ENPP6: variants seen among roughly 807,000 people sequenced by gnomAD.
ENPP6 encodes the protein glycerophosphocholine cholinephosphodiesterase ENPP6.
Under a neutral mutation model 42.0 loss-of-function variants are expected in ENPP6, and 32 were observed. That is an observed-to-expected ratio of 0.76 (90% CI 0.58 to 1.02). The LOEUF (loss-of-function observed/expected upper bound fraction) is 1.02, where lower values mean the gene tolerates loss of function less well. Among genes scored for constraint, ENPP6 ranks in the 50% least tolerant of loss-of-function variants. The pLI is 0.00. For missense variants in ENPP6, 552 were observed against 566.8 expected, an observed-to-expected ratio of 0.97 and a Z score of 0.27; for synonymous variants, 213 against 216.0, an observed-to-expected ratio of 0.99 and a Z score of 0.12.
intron 6 of ENPP6, among the ~76,000 whole-genome samples, chr4:184,111,176 G>A (rs1736190612): frequency 6.6e-6 from 1 of 152,066 alleles, no homozygotes; most frequent in Non-Finnish European, 1.5e-5. Flanking sequence ...CTACCACCCA[G>A]CCTCTCAGCA....
intron 1 of ENPP6, among the ~76,000 whole-genome samples, chr4:184,213,048 G>A (rs960585060): frequency 5.3e-5 from 8 of 151,796 alleles, no homozygotes; most frequent in South Asian, 2.1e-4. Flanking sequence ...GGAGAAAGCT[G>A]AAACTGGATC....
At chr4:184,113,948 TTTC>T (rs1260872545) in intron 5 of ENPP6, among the ~76,000 whole-genome samples, 1 of 149,620 alleles carries the variant, frequency 6.7e-6, no homozygotes, top group East Asian at 2.0e-4. Flanking sequence ...TCTTTCTTTC[TTTC>T]TTTCTTTCTT....
At chr4:184,113,935 CTT>C (rs1197424095) in intron 5 of ENPP6, among the ~76,000 whole-genome samples, 2 of 140,264 alleles carry the variant, frequency 1.4e-5, no homozygotes, top group Admixed American at 1.5e-4. Flanking sequence ...TTCTTTCTTT[CTT>C]TCTTTCTTTC....
At chr4:184,155,221 T>A (rs1341693422) in intron 1 of ENPP6, among the ~76,000 whole-genome samples, 1 of 152,196 alleles carries the variant, frequency 6.6e-6, no homozygotes, top group African/African-American at 2.4e-5. Flanking sequence ...TATTATCGTT[T>A]TTAGTATATG....
intron 1 of ENPP6, among the ~76,000 whole-genome samples, chr4:184,178,614 G>A (rs1732490664): frequency 1.3e-5 from 2 of 152,222 alleles, no homozygotes; most frequent in East Asian, 1.9e-4. Context: ...AAGTGTTAAG[G>A]GCAGCTAGAG....
chr4:184,131,299 C>T (rs1024179289), intron 2 of ENPP6, among the ~76,000 whole-genome samples: 4 of 145,282 alleles, frequency 2.8e-5, no homozygotes, highest in Admixed American at 6.9e-5. Context: ...TTCCTTCCTT[C>T]CTTCCTTCCT....
chr4:184,113,899 TTTTC>T (rs70959170), intron 5 of ENPP6, among the ~76,000 whole-genome samples: 17,833 of 103,352 alleles, frequency 0.17, 1,322 homozygotes, highest in Middle Eastern at 0.25. Context: ...CCTTTCTTTC[TTTTC>T]TTTCTTTCTT....
intron 1 of ENPP6, among the ~76,000 whole-genome samples, chr4:184,199,654 C>T (rs1732860419): frequency 6.6e-6 from 1 of 152,214 alleles, no homozygotes. Context: ...TCCACAGACA[C>T]AGGACTTCTG....
intron 2 of ENPP6, among the ~76,000 whole-genome samples, chr4:184,124,964 C>G (rs1166125734): frequency 6.6e-6 from 1 of 152,160 alleles, no homozygotes; most frequent in Non-Finnish European, 1.5e-5. Flanking sequence ...GAACATAGAA[C>G]AGGAGAGGGA....
At chr4:184,093,766 G>C (rs572969573) in intron 7 of ENPP6, among the ~76,000 whole-genome samples, 1 of 151,982 alleles carries the variant, frequency 6.6e-6, no homozygotes, top group South Asian at 2.1e-4. Flanking sequence ...AATCAGATGA[G>C]GATGGTAGTT....
chr4:184,134,638 G>T (rs1022181296), intron 2 of ENPP6, among the ~76,000 whole-genome samples: 2 of 151,076 alleles, frequency 1.3e-5, no homozygotes, highest in African/African-American at 4.9e-5. Context: ...TATAAGCCTT[G>T]TCAAGTTTTC....
chr4:184,144,757 G>C (rs1026480130), intron 2 of ENPP6, among the ~76,000 whole-genome samples: 1 of 152,222 alleles, frequency 6.6e-6, no homozygotes, highest in African/African-American at 2.4e-5. Context: ...CAGGACACTG[G>C]AACCCCAAAA....
chr4:184,175,315 A>G (rs2178570), intron 1 of ENPP6, among the ~76,000 whole-genome samples: 130,150 of 152,176 alleles, frequency 0.86, 56,719 homozygotes, highest in East Asian at 1. Context: ...AAATCAGTAC[A>G]GGGCCATAAA....
chr4:184,165,734 A>G (rs961950751), intron 1 of ENPP6, among the ~76,000 whole-genome samples: 2 of 152,246 alleles, frequency 1.3e-5, no homozygotes, highest in Non-Finnish European at 1.5e-5. Context: ...GTGGAAAGAG[A>G]GGCTCCCAAA....
chr4:184,148,508 C>G lies in ENPP6; in HGVS notation c.421+5046G>C, dbSNP rs1441092678. On this transcript the variant is annotated intron_variant, in intron 2 of 7. Coordinates refer to ENST00000296741, the MANE Select transcript of ENPP6 (RefSeq NM_153343.4). ...CAGCATCTCCTCTATTTCTCTGCAG[C>G]AGAAATGGTCGACGCCTAGAAACCC... 2.0e-5 allele frequency among the ~76,000 whole-genome samples: 3 copies of G among 152,322 alleles called. No homozygotes were observed. In the East Asian group the frequency reaches 5.8e-4, roughly 29 times the overall value.
chr4:184,174,595 G>A (rs1468619504), intron 1 of ENPP6, among the ~76,000 whole-genome samples: 5 of 13,392 alleles, frequency 3.7e-4, no homozygotes, highest in South Asian at 6.7e-3. Flanking sequence ...AGGGAAAACC[G>A]AGACTCAGAC....
intron 2 of ENPP6, among the ~76,000 whole-genome samples, chr4:184,140,204 G>A (rs1247574222): frequency 1.3e-5 from 2 of 151,996 alleles, no homozygotes; most frequent in Admixed American, 6.6e-5. Context: ...ACCTCTTTAA[G>A]GAGAACTACA....
At chr4:184,106,761 G>A (rs1459303124) in intron 6 of ENPP6, among the ~76,000 whole-genome samples, 1 of 152,202 alleles carries the variant, frequency 6.6e-6, no homozygotes, top group Non-Finnish European at 1.5e-5. Context: ...GCCTTCACTA[G>A]CAGGGAGGGC....
intron 6 of ENPP6, among the ~76,000 whole-genome samples, chr4:184,103,387 G>A (rs1467779419): frequency 1.3e-5 from 2 of 152,178 alleles, no homozygotes; most frequent in Non-Finnish European, 2.9e-5. Flanking sequence ...TAAAATAAAA[G>A]GTGAAACCTA....
Sources: allele counts gnomAD v4.1 joint callset (sites outside exome capture counted in the v4.1 genomes callset), GRCh38; gene constraint gnomAD v4.1.1; transcripts MANE v1.5; gene names NCBI Gene and HGNC (gene_info 2026-07-23, HGNC 2026-07-21).